Variants in CABIN1 observed in about 807,000 individuals in gnomAD.
CABIN1 encodes the protein calcineurin binding protein 1.
Under a neutral mutation model 227.7 loss-of-function variants are expected in CABIN1, and 133 were observed. That is an observed-to-expected ratio of 0.58 (90% CI 0.51 to 0.67). The LOEUF (loss-of-function observed/expected upper bound fraction) is 0.67. CABIN1 is among the 30% of genes least tolerant of loss of function. CABIN1 has a pLI of 0.00. For synonymous variants in CABIN1, 1,086 were observed against 1,155.1 expected (o/e 0.94, Z 1.21); for missense variants, 2,408 against 2,852.5 (o/e 0.84, Z 3.55).
chr22:24,084,623 TA>T lies in CABIN1; in HGVS notation c.2957del (p.Lys986SerfsTer24). The T allele has an allele frequency of 6.2e-7, 1 of 1,614,152 alleles. No homozygotes were observed. The highest frequency in any genetic ancestry group is 8.5e-7 in the Non-Finnish European group (1 of 1,180,008). ...EDALFMFEYF[K>X]PKTLPEFDSY... is the part of the protein sequence containing the mutation. The stretch of plus-strand genomic sequence containing the variant: ...ATGCACTGTTCATGTTTGAGTATTT[TA>T]AGCCCAAGACCCTTCCTGAATTTGA... On this transcript the variant is annotated frameshift_variant, in exon 21 of 37. Transcript: ENST00000263119. LOFTEE classifies it high-confidence loss of function.
At chr22:24,172,675 A>G (rs1191176615) in intron 34 of CABIN1, among the ~76,000 whole-genome samples, 1 of 152,218 alleles carries the variant, frequency 6.6e-6, no homozygotes, top group Non-Finnish European at 1.5e-5. Flanking sequence ...TTGGAATGGC[A>G]GCCTGCAGAC....
At chr22:24,071,445 A>G (rs1284703708) in intron 17 of CABIN1, among the ~76,000 whole-genome samples, 1 of 152,130 alleles carries the variant, frequency 6.6e-6, no homozygotes, top group Non-Finnish European at 1.5e-5. Flanking sequence ...AGCACCCTGC[A>G]TCGTCCAGGA....
chr22:24,130,871 G>A (rs983611827), intron 28 of CABIN1, among the ~76,000 whole-genome samples: 2 of 152,234 alleles, frequency 1.3e-5, no homozygotes, highest in Non-Finnish European at 2.9e-5. Context: ...AGGTCTGCAG[G>A]AAGCTAATTT....
chr22:24,026,023 G>A (rs1484911321), intron 1 of CABIN1, among the ~76,000 whole-genome samples: 2 of 152,186 alleles, frequency 1.3e-5, no homozygotes, highest in Non-Finnish European at 2.9e-5. Flanking sequence ...TTTTTGTAGA[G>A]ACAGGTTTTC....
chr22:24,014,410 A>G (rs1388230780), intron 1 of CABIN1, among the ~76,000 whole-genome samples: 2 of 146,458 alleles, frequency 1.4e-5, no homozygotes, highest in African/African-American at 2.6e-5. Context: ...TGGCCTATCA[A>G]CTGGCCCTCA....
At position 24,036,164 on chromosome 22, in the gene CABIN1, C is replaced by T; in HGVS notation, c.79C>T (p.Gln27Ter). ...AGGAAGCTTTAAAAGTCACAAAACC[C>T]AGACAAAGGAGGCTCAGGTACGTAA... ...HEGSFKSHKT[Q>*]TKEAQEAEAF... The change falls in exon 3 of 37, where the codon CAG becomes TAG. Residue 27 changes from glutamine (Q) to a stop codon, truncating the protein, a stop_gained. Transcript: ENST00000263119. LOFTEE classifies it high-confidence loss of function. The T allele has an allele frequency of 6.2e-7, 1 of 1,613,182 alleles. No homozygotes were observed. The highest frequency in any genetic ancestry group is 8.5e-7 in the Non-Finnish European group (1 of 1,179,266).
chr22:24,094,738 A>C (rs5751805), intron 24 of CABIN1, among the ~76,000 whole-genome samples: 8 of 148,526 alleles, frequency 5.4e-5, no homozygotes, highest in Non-Finnish European at 1.5e-5. Flanking sequence ...AATGGCGTGA[A>C]CCCGGGAAGC....
rs1358216032 is a variant in CABIN1 at position 24,119,668 on chromosome 22, C to T, written c.4602C>T (p.Ala1534=). The part of the protein sequence containing the change: ...PQHYKSLYRL[A]FLYTYSKTHR... ...ACTATAAGAGTCTCTACCGTCTGGC[C>T]TTCCTCTACACCTACAGCAAGACCC... The change falls in exon 28 of 37, where the codon GCC becomes GCT. Residue 1534 remains alanine (A), a synonymous_variant. Transcript: ENST00000263119. The T allele has an allele frequency of 1.2e-6, 2 of 1,613,948 alleles. No individual in the cohort carries two copies. Among genetic ancestry groups the T allele is most frequent in the Non-Finnish European group, 1.7e-6 (2 of 1,180,052 alleles).
chr22:24,136,524 A>ATTTTTTTTTT (rs145864566), intron 29 of CABIN1, among the ~76,000 whole-genome samples: 1,163 of 69,804 alleles, frequency 0.017, 68 homozygotes, highest in Middle Eastern at 0.031. Flanking sequence ...TAATTTTTGT[A>ATTTTTTTTTT]TTTTTTTTTT....
At position 24,107,867 on chromosome 22, in the gene CABIN1, C is replaced by T. The variant is rs533750725; in HGVS notation, c.4118-5699C>T. ...GCAAGGCTTGCTTCCTGGAGCTTGCCGCAGGATGTGCTGCTGAGCTGTGCA... is the reference window on the plus strand; with the variant it reads ...GCAAGGCTTGCTTCCTGGAGCTTGCTGCAGGATGTGCTGCTGAGCTGTGCA... On this transcript the variant is annotated intron_variant, in intron 26 of 36. Transcript: ENST00000263119. 4.6e-4 allele frequency among the ~76,000 whole-genome samples: 70 copies of T among 152,166 alleles called. 2 individuals are homozygous for T. The highest frequency in any genetic ancestry group is 3.1e-4 in the Non-Finnish European group (21 of 68,026).
At chr22:24,105,907 C>T (rs1247262185) in intron 26 of CABIN1, among the ~76,000 whole-genome samples, 1 of 152,250 alleles carries the variant, frequency 6.6e-6, no homozygotes, top group Non-Finnish European at 1.5e-5. Context: ...CCAGCCGGTC[C>T]TCTGAGGGCT....
At chr22:24,057,239 C>T (rs73163701) in intron 10 of CABIN1, among the ~76,000 whole-genome samples, 118 of 152,220 alleles carry the variant, frequency 7.8e-4, no homozygotes, top group Non-Finnish European at 1.4e-3. Context: ...CCCGGCCAGT[C>T]CTTCTGCTTT....
intron 29 of CABIN1, among the ~76,000 whole-genome samples, chr22:24,143,026 A>G (rs1257974331): frequency 6.6e-6 from 1 of 152,170 alleles, no homozygotes; most frequent in Non-Finnish European, 1.5e-5. Context: ...GTGTGGTCCA[A>G]AAGGGCTCAG....
In CABIN1 at chr22:24,168,491, G is replaced by A. The variant is rs1430491400; in HGVS notation, c.5727G>A (p.Gln1909=). Residue 1909 remains glutamine, a synonymous_variant, in exon 33 of 37, where the codon CAG becomes CAA. Coordinates refer to ENST00000263119, the MANE Select transcript of CABIN1 (RefSeq NM_012295.4). ...AALEQAVKFC[Q]VHLGAAAQRQ... ...TGGAGCAGGCTGTGAAGTTCTGCCA[G>A]GTCCATCTTGGGGCTGCCGCCCAGA... 9.6e-6 allele frequency: 15 copies of A among 1,566,138 alleles called. No individual in the cohort carries two copies. The East Asian group carries it at 1.7e-4, about 17-fold the overall frequency.
chr22:24,137,130 A>C (rs899296288), intron 29 of CABIN1, among the ~76,000 whole-genome samples: 5 of 152,168 alleles, frequency 3.3e-5, no homozygotes, highest in African/African-American at 1.2e-4. Context: ...CAGGTACTTA[A>C]GAAAATAGTT....
At chr22:24,049,046 C>G (rs1855408902) in intron 6 of CABIN1, 45 bp from the exon 7 acceptor site, 1 of 1,610,948 alleles carries the variant, frequency 6.2e-7, no homozygotes, top group Admixed American at 1.7e-5. Flanking sequence ...GCCAGAGCTT[C>G]TGAGTGCGGT....
At chr22:24,170,297 G>C (rs2046718084) in intron 33 of CABIN1, among the ~76,000 whole-genome samples, 1 of 152,174 alleles carries the variant, frequency 6.6e-6, no homozygotes, top group South Asian at 2.1e-4. Context: ...TGCCATCAGA[G>C]CCCATAGCTC....
intron 28 of CABIN1, among the ~76,000 whole-genome samples, chr22:24,120,788 G>T (rs1469726988): frequency 2.6e-5 from 4 of 152,174 alleles, no homozygotes; most frequent in Non-Finnish European, 5.9e-5. Flanking sequence ...ACTTCAGCCT[G>T]GGCAACAGAG....
chr22:24,094,931 T>C (rs1478814927), intron 24 of CABIN1, among the ~76,000 whole-genome samples: 1 of 152,240 alleles, frequency 6.6e-6, no homozygotes, highest in Non-Finnish European at 1.5e-5. Context: ...TTCAAGAATC[T>C]TTACTCGCCA....
Sources: allele counts gnomAD v4.1 joint callset (sites outside exome capture counted in the v4.1 genomes callset), GRCh38; gene constraint gnomAD v4.1.1; transcripts MANE v1.5; gene names NCBI Gene and HGNC (gene_info 2026-07-23, HGNC 2026-07-21).